DOCK1: variants seen among roughly 807,000 people sequenced by gnomAD.
DOCK1 encodes the protein dedicator of cytokinesis protein 1.
A neutral mutation model predicts 262.7 loss-of-function variants in DOCK1; 138 were observed. That is an observed-to-expected ratio of 0.53 (90% CI 0.46 to 0.61). DOCK1 has a LOEUF of 0.61. Among genes scored for constraint, DOCK1 ranks in the 20% least tolerant of loss-of-function variants. DOCK1 has a pLI of 0.00. For synonymous variants in DOCK1, 866 were observed against 867.4 expected (o/e 1.00, Z 0.03); for missense variants, 1,908 against 2,370.7 (o/e 0.80, Z 4.05).
At chr10:127,103,477 T>A (rs887011454) in intron 23 of DOCK1, among the ~76,000 whole-genome samples, 27 of 152,152 alleles carry the variant, frequency 1.8e-4, no homozygotes, top group Non-Finnish European at 3.8e-4. Flanking sequence ...ATGAAGAAAC[T>A]GCATTGCATT....
At position 126,987,430 on chromosome 10, in the gene DOCK1, C is replaced by T. The variant is rs576815436; in HGVS notation, c.228-91C>T. ...TTCTTCCCATTTGCTTAATACTGAA[C>T]GCTATGGCCTAGATGTGAAATTTAC... On this transcript the variant is annotated intron_variant, in intron 4 of 51. Transcript: ENST00000623213. 61 of 1,003,514 alleles carry T rather than the reference C, an allele frequency of 6.1e-5. 1 individual carries two copies. The highest frequency in any genetic ancestry group is 2.8e-4 in the South Asian group (18 of 63,558). 62.2% of individuals were successfully genotyped at this position (1,003,514 alleles called of 1,614,324 possible).
intron 25 of DOCK1, among the ~76,000 whole-genome samples, chr10:127,118,157 A>G (rs1198848626): frequency 6.6e-6 from 1 of 152,008 alleles, no homozygotes; most frequent in Non-Finnish European, 1.5e-5. Context: ...ATTCTCTCTC[A>G]GTTTTCTCAT....
intron 1 of DOCK1, among the ~76,000 whole-genome samples, chr10:126,913,033 G>A (rs1435880611): frequency 6.7e-6 from 1 of 150,202 alleles, no homozygotes; most frequent in African/African-American, 2.5e-5. Context: ...TGGTGCTACT[G>A]GACTCGAGGG....
At chr10:127,096,880 G>A (rs771502054) in intron 23 of DOCK1, among the ~76,000 whole-genome samples, 3 of 152,086 alleles carry the variant, frequency 2.0e-5, no homozygotes, top group Admixed American at 1.3e-4. Flanking sequence ...GCCAAGACAG[G>A]TGGATCACGA....
chr10:127,004,571 C>G (rs970447822), intron 10 of DOCK1, among the ~76,000 whole-genome samples: 1 of 151,810 alleles, frequency 6.6e-6, no homozygotes, highest in Non-Finnish European at 1.5e-5. Context: ...CATGGCAAAA[C>G]CTCGTCTCTA....
At chr10:127,077,445 T>C (rs1046752996) in intron 23 of DOCK1, among the ~76,000 whole-genome samples, 1 of 152,178 alleles carries the variant, frequency 6.6e-6, no homozygotes, top group Non-Finnish European at 1.5e-5. Flanking sequence ...TAAGTACTTC[T>C]CCAGCACTGC....
chr10:127,361,972 C>A, intron 32 of DOCK1, 92 bp from the exon 33 acceptor site: 1 of 1,344,408 alleles, frequency 7.4e-7, no homozygotes, highest in South Asian at 1.6e-5. Context: ...CTCAAAGTCA[C>A]AGTGATCTGT....
intron 1 of DOCK1, among the ~76,000 whole-genome samples, chr10:126,962,528 C>T (rs981639479): frequency 1.3e-5 from 2 of 152,042 alleles, no homozygotes; most frequent in African/African-American, 4.8e-5. Flanking sequence ...AACTCCTGAC[C>T]TCAAGTGATC....
chr10:127,252,104 T>A (rs1482514194), intron 28 of DOCK1, among the ~76,000 whole-genome samples: 2 of 148,306 alleles, frequency 1.3e-5, no homozygotes, highest in Non-Finnish European at 3.0e-5. Context: ...GGTATCTCAT[T>A]GTGGTTTTGA....
chr10:127,198,069 A>C (rs2057296211), intron 27 of DOCK1, among the ~76,000 whole-genome samples: 1 of 152,046 alleles, frequency 6.6e-6, no homozygotes, highest in African/African-American at 2.4e-5. Flanking sequence ...CAGATCCCCC[A>C]AGCTGATTTT....
chr10:127,181,898 G>C (rs571698230), intron 27 of DOCK1, among the ~76,000 whole-genome samples: 5 of 152,318 alleles, frequency 3.3e-5, no homozygotes, highest in Admixed American at 3.3e-4. Context: ...AGCTGCCATA[G>C]ATGGTGGACT....
chr10:127,101,999 T>C (rs2048281710), intron 23 of DOCK1, among the ~76,000 whole-genome samples: 2 of 152,144 alleles, frequency 1.3e-5, no homozygotes, highest in African/African-American at 2.4e-5. Context: ...AATGAAATTA[T>C]TACGATTTAG....
chr10:127,294,754 T>C (rs1325876731), intron 29 of DOCK1, among the ~76,000 whole-genome samples: 2 of 152,018 alleles, frequency 1.3e-5, no homozygotes, highest in African/African-American at 4.8e-5. Flanking sequence ...GTTCAAGTGA[T>C]TGTCCTGCCT....
At chr10:126,992,954 A>G (rs1348294128) in intron 6 of DOCK1, among the ~76,000 whole-genome samples, 1 of 152,216 alleles carries the variant, frequency 6.6e-6, no homozygotes, top group Non-Finnish European at 1.5e-5. Flanking sequence ...CCAGCTGAAC[A>G]CTGGTTGCTG....
chr10:126,929,359 A>G (rs1179346018), intron 1 of DOCK1, among the ~76,000 whole-genome samples: 2 of 152,168 alleles, frequency 1.3e-5, no homozygotes, highest in African/African-American at 2.4e-5. Context: ...GTTGACACCC[A>G]GGAGATATTA....
chr10:127,225,990 A>C (rs898674519), intron 27 of DOCK1, among the ~76,000 whole-genome samples: 2 of 151,722 alleles, frequency 1.3e-5, no homozygotes, highest in Non-Finnish European at 2.9e-5. Flanking sequence ...AGGCAGGAGA[A>C]TCGATTGAAC....
chr10:127,112,681 A>T (rs1479318576), intron 25 of DOCK1, among the ~76,000 whole-genome samples: 1 of 152,222 alleles, frequency 6.6e-6, no homozygotes, highest in African/African-American at 2.4e-5. Flanking sequence ...TGTATGAAAT[A>T]TATGAATCCC....
At chr10:127,421,759 A>AGAAT (rs1211465399) in intron 46 of DOCK1, among the ~76,000 whole-genome samples, 1 of 152,226 alleles carries the variant, frequency 6.6e-6, no homozygotes, top group Non-Finnish European at 1.5e-5. Context: ...TTCTCTTAGC[A>AGAAT]GAATGTCTTC....
chr10:127,410,399 C>T (rs1253014201), intron 42 of DOCK1, among the ~76,000 whole-genome samples: 2 of 152,348 alleles, frequency 1.3e-5, no homozygotes, highest in South Asian at 2.1e-4. Flanking sequence ...AAGCCTGCCT[C>T]GTACCCCGAC....
Sources: allele counts gnomAD v4.1 joint callset (sites outside exome capture counted in the v4.1 genomes callset), GRCh38; gene constraint gnomAD v4.1.1; transcripts MANE v1.5; gene names NCBI Gene and HGNC (gene_info 2026-07-23, HGNC 2026-07-21).